Variants in PIP4K2A observed in about 807,000 individuals in gnomAD.
PIP4K2A encodes phosphatidylinositol 5-phosphate 4-kinase type-2 alpha.
PIP4K2A carries 14 observed loss-of-function variants against 42.9 expected under a neutral mutation model. The observed-to-expected ratio is 0.33, with a 90% CI of 0.22 to 0.51. The LOEUF (loss-of-function observed/expected upper bound fraction) is 0.51. Ranked by LOEUF, PIP4K2A falls within the 20% of genes least tolerant of loss-of-function variation. The probability of loss-of-function intolerance (pLI) is 0.97; values close to 1 mark genes in which losing one functional copy is unlikely to be tolerated. For synonymous variants in PIP4K2A, 192 were observed against 192.2 expected (o/e 1.00, Z 0.01); for missense variants, 434 against 519.8 (o/e 0.83, Z 1.61).
At chr10:22,703,894 C>A (rs562535209) in intron 1 of PIP4K2A, among the ~76,000 whole-genome samples, 1 of 152,220 alleles carries the variant, frequency 6.6e-6, no homozygotes, top group East Asian at 1.9e-4. Flanking sequence ...TTGCTCCCTA[C>A]GTTTAAGCTT....
chr10:22,687,271 C>T (rs189641175), intron 1 of PIP4K2A, among the ~76,000 whole-genome samples: 1 of 151,894 alleles, frequency 6.6e-6, no homozygotes, highest in African/African-American at 2.4e-5. Flanking sequence ...ATACGCCAGG[C>T]ACAGAGAGAA....
At chr10:22,652,236 C>T (rs1839011353) in intron 1 of PIP4K2A, among the ~76,000 whole-genome samples, 1 of 152,060 alleles carries the variant, frequency 6.6e-6, no homozygotes, top group African/African-American at 2.4e-5. Flanking sequence ...GATTCTCCTG[C>T]CTCAGTCTCC....
chr10:22,637,249 A>G (rs1190088652), intron 1 of PIP4K2A, among the ~76,000 whole-genome samples: 1 of 152,208 alleles, frequency 6.6e-6, no homozygotes, highest in East Asian at 1.9e-4. Context: ...CTTTGTCAGT[A>G]TGGCTCTTTT....
chr10:22,626,185 A>G (rs1838432053), intron 1 of PIP4K2A, among the ~76,000 whole-genome samples: 1 of 152,202 alleles, frequency 6.6e-6, no homozygotes, highest in South Asian at 2.1e-4. Flanking sequence ...TGGGGTACTC[A>G]GCATTTTGAT....
At chr10:22,695,590 C>T (rs956256939) in intron 1 of PIP4K2A, among the ~76,000 whole-genome samples, 10 of 152,134 alleles carry the variant, frequency 6.6e-5, no homozygotes, top group African/African-American at 2.2e-4. Context: ...ATGTACAAGT[C>T]ATTTCTGCCT....
At chr10:22,615,182 C>G (rs920361327) in intron 1 of PIP4K2A, among the ~76,000 whole-genome samples, 2 of 152,108 alleles carry the variant, frequency 1.3e-5, no homozygotes, top group Admixed American at 1.3e-4. Flanking sequence ...TCATGGCCAA[C>G]TGCAGTCTTG....
intron 6 of PIP4K2A, among the ~76,000 whole-genome samples, chr10:22,563,313 G>A (rs956887333): frequency 6.6e-6 from 1 of 152,194 alleles, no homozygotes; most frequent in Non-Finnish European, 1.5e-5. Context: ...CAATTCTAAT[G>A]TTTGCACAGT....
chr10:22,570,821 TTAG>T (rs1836966534), intron 5 of PIP4K2A, among the ~76,000 whole-genome samples: 2 of 151,680 alleles, frequency 1.3e-5, no homozygotes, highest in South Asian at 2.1e-4. Context: ...ACAGTGGGTA[TTAG>T]TAGTGTTTGT....
chr10:22,551,873 C>CT (rs1472373667), intron 6 of PIP4K2A, among the ~76,000 whole-genome samples: 1 of 152,188 alleles, frequency 6.6e-6, no homozygotes, highest in Non-Finnish European at 1.5e-5. Flanking sequence ...CTGGGTCCAT[C>CT]GCCTGCATCT....
chr10:22,685,251 T>C (rs1839740260), intron 1 of PIP4K2A, among the ~76,000 whole-genome samples: 1 of 152,220 alleles, frequency 6.6e-6, no homozygotes, highest in African/African-American at 2.4e-5. Context: ...ACTCTTCAAC[T>C]GATTTTATTA....
At chr10:22,601,015 A>G (rs1837752124) in intron 3 of PIP4K2A, among the ~76,000 whole-genome samples, 2 of 152,050 alleles carry the variant, frequency 1.3e-5, no homozygotes, top group Admixed American at 1.3e-4. Context: ...AGAGAAAGCA[A>G]CAGAGTTGCA....
intron 1 of PIP4K2A, among the ~76,000 whole-genome samples, chr10:22,673,651 TA>T (rs980897589): frequency 1.3e-5 from 2 of 151,416 alleles, no homozygotes; most frequent in Non-Finnish European, 2.9e-5. Context: ...AAATAAAAAA[TA>T]AAAAAAATAA....
chr10:22,538,798 CG>C (rs1328681932), intron 9 of PIP4K2A, among the ~76,000 whole-genome samples: 1 of 138,456 alleles, frequency 7.2e-6, no homozygotes, highest in Non-Finnish European at 1.6e-5. Flanking sequence ...CTGACGTGCT[CG>C]GGGGCGGTGA....
At chr10:22,592,934 C>T (rs1837546904) in intron 3 of PIP4K2A, among the ~76,000 whole-genome samples, 1 of 152,230 alleles carries the variant, frequency 6.6e-6, no homozygotes, top group Admixed American at 6.5e-5. Context: ...TGGCCAAATG[C>T]TGTCAAGTTA....
At chr10:22,674,313 T>G (rs2130865454) in intron 1 of PIP4K2A, among the ~76,000 whole-genome samples, 1 of 150,486 alleles carries the variant, frequency 6.6e-6, no homozygotes, top group South Asian at 2.1e-4. Flanking sequence ...TTTGGTGAAT[T>G]CTCCCTCCAA....
intron 1 of PIP4K2A, among the ~76,000 whole-genome samples, chr10:22,637,400 C>T (rs192263379): frequency 3.2e-4 from 49 of 152,256 alleles, no homozygotes; most frequent in Admixed American, 9.8e-4. Flanking sequence ...ACTAAAATAA[C>T]ACAAGAAATT....
rs965674746 is a variant in PIP4K2A, at chr10:22,552,471, AC to A, written c.679-1700del. 6.6e-5 allele frequency among the ~76,000 whole-genome samples: 10 copies of A among 152,238 alleles called. No homozygotes were observed. In the South Asian group the frequency reaches 1.0e-3, roughly 16 times the overall value. ...AATTTTAAAATAATGCAATACGTGC[AC>A]CCCCCATTCCCACAAACCTTGAAAT... On this transcript the variant is annotated intron_variant, in intron 6 of 9. Transcript: ENST00000376573.
chr10:22,631,723 C>G (rs1399868629), intron 1 of PIP4K2A, among the ~76,000 whole-genome samples: 3 of 152,136 alleles, frequency 2.0e-5, no homozygotes, highest in African/African-American at 7.2e-5. Context: ...CAGCAATTTG[C>G]AAATACCACA....
chr10:22,709,099 T>G (rs12778869), intron 1 of PIP4K2A, among the ~76,000 whole-genome samples: 32,577 of 151,934 alleles, frequency 0.21, 3,696 homozygotes, highest in South Asian at 0.31. Context: ...GAGCCTAATT[T>G]AGCAGACTTT....
Sources: gnomAD v4.1 joint callset for allele counts (sites outside exome capture counted in the v4.1 genomes callset) on GRCh38, gnomAD v4.1.1 for gene constraint, MANE v1.5 for transcripts, NCBI Gene and HGNC (gene_info 2026-07-23, HGNC 2026-07-21) for gene names.